Variants in LRRN1 observed in about 807,000 individuals in gnomAD.
The protein encoded by LRRN1 is leucine rich repeat neuronal 1.
LRRN1 carries 14 observed loss-of-function variants against 45.8 expected under a neutral mutation model. The observed-to-expected ratio is 0.31, with a 90% CI of 0.20 to 0.48. The LOEUF (loss-of-function observed/expected upper bound fraction) is 0.48, where lower values mean the gene tolerates loss of function less well. LRRN1 is among the 20% of genes least tolerant of loss of function. The probability of loss-of-function intolerance (pLI) is 0.99; values close to 1 mark genes in which losing one functional copy is unlikely to be tolerated. For synonymous variants in LRRN1, 359 were observed against 330.1 expected (o/e 1.09, Z -0.95); for missense variants, 789 against 874.2 (o/e 0.90, Z 1.23).
At chr3:3,836,256 G>T (rs931072750) in intron 1 of LRRN1, among the ~76,000 whole-genome samples, 3 of 152,178 alleles carry the variant, frequency 2.0e-5, no homozygotes, top group African/African-American at 7.2e-5. Context: ...GTACAGTTCA[G>T]TTGTGTTAAG....
chr3:3,806,358 A>G (rs1692758540), intron 1 of LRRN1, among the ~76,000 whole-genome samples: 1 of 152,220 alleles, frequency 6.6e-6, no homozygotes, highest in South Asian at 2.1e-4. Flanking sequence ...AGCTGCCAGC[A>G]GAGGCTTTAA....
At chr3:3,827,496 A>G (rs763570564) in intron 1 of LRRN1, 7 of 456,386 alleles carry the variant, frequency 1.5e-5, no homozygotes, top group Non-Finnish European at 2.2e-5. Context: ...GAGGCAATCT[A>G]TTTTTCTTAA....
intron 1 of LRRN1, among the ~76,000 whole-genome samples, chr3:3,820,535 A>G (rs572788385): frequency 4.6e-5 from 7 of 152,338 alleles, no homozygotes; most frequent in Non-Finnish European, 1.0e-4. Context: ...CTGATACTTG[A>G]AAAGAGGAGA....
chr3:3,816,275 A>G lies in LRRN1; in HGVS notation c.-279+16356A>G, dbSNP rs2106455768. The stretch of plus-strand genomic sequence containing the variant: ...TGGATTTATGGTTTCCAGGTCATCG[A>G]TGATCTGAGCACTTTGAGTATTGGA... On this transcript the variant is annotated intron_variant, in intron 1 of 1. Coordinates refer to ENST00000319331, the MANE Select transcript of LRRN1 (RefSeq NM_020873.7). The surrounding 1 kb of genome is among the most constrained non-coding windows in gnomAD (Gnocchi z 4.0). 6.6e-6 allele frequency among the ~76,000 whole-genome samples: 1 copy of G among 152,286 alleles called. No homozygotes were observed.
intron 1 of LRRN1, among the ~76,000 whole-genome samples, chr3:3,824,351 T>G (rs1281569007): frequency 6.6e-6 from 1 of 152,212 alleles, no homozygotes; most frequent in Non-Finnish European, 1.5e-5. Context: ...CTTCTTTCAC[T>G]TGAATTTCTA....
intron 1 of LRRN1, among the ~76,000 whole-genome samples, chr3:3,843,284 C>A (rs142667559): frequency 1.3e-5 from 2 of 152,158 alleles, no homozygotes; most frequent in African/African-American, 4.8e-5. Context: ...TTAATGAGAT[C>A]ATCTGTGTGA....
chr3:3,838,805 G>A (rs1693582562), intron 1 of LRRN1, among the ~76,000 whole-genome samples: 1 of 152,012 alleles, frequency 6.6e-6, no homozygotes, highest in South Asian at 2.1e-4. Flanking sequence ...ATATGCTTGT[G>A]GGTCATTTGT....
chr3:3,810,197 A>C (rs1365042542), intron 1 of LRRN1, among the ~76,000 whole-genome samples: 1 of 152,146 alleles, frequency 6.6e-6, no homozygotes, highest in East Asian at 1.9e-4. Context: ...ATGCCCCTAA[A>C]TGGTGATTCA....
chr3:3,813,419 C>T (rs187329895), intron 1 of LRRN1, among the ~76,000 whole-genome samples: 5 of 152,232 alleles, frequency 3.3e-5, no homozygotes, highest in Admixed American at 2.6e-4. Context: ...TAAATTTAGA[C>T]ACTATTACCA....
chr3:3,813,163 G>A (rs373771777), intron 1 of LRRN1, among the ~76,000 whole-genome samples: 5 of 152,338 alleles, frequency 3.3e-5, no homozygotes, highest in African/African-American at 1.2e-4. Context: ...ACATCTGGCT[G>A]CTGTTCGCAT....
At chr3:3,843,896 C>T (rs1173348832) in intron 1 of LRRN1, among the ~76,000 whole-genome samples, 2 of 152,102 alleles carry the variant, frequency 1.3e-5, no homozygotes, top group Admixed American at 6.5e-5. Flanking sequence ...AATAAACTAC[C>T]TTTCATGTTT....
At chr3:3,841,290 C>CAA (rs60477471) in intron 1 of LRRN1, among the ~76,000 whole-genome samples, 4,090 of 123,128 alleles carry the variant, frequency 0.033, 209 homozygotes, top group African/African-American at 0.093. Context: ...GACTTTGTCT[C>CAA]AAAAAAAAAA....
chr3:3,824,130 C>T (rs992071299), intron 1 of LRRN1, among the ~76,000 whole-genome samples: 2 of 152,200 alleles, frequency 1.3e-5, no homozygotes, highest in African/African-American at 2.4e-5. Flanking sequence ...CCATGACTTA[C>T]TAGCTCACTT....
At chr3:3,800,392 TGGC>T (rs1692621084) in intron 1 of LRRN1, among the ~76,000 whole-genome samples, 1 of 150,446 alleles carries the variant, frequency 6.6e-6, no homozygotes, top group Non-Finnish European at 1.5e-5. Context: ...GCAAGGAAGG[TGGC>T]GGGCGACGGG....
chr3:3,834,119 A>C (rs921420475), intron 1 of LRRN1, among the ~76,000 whole-genome samples: 1 of 152,106 alleles, frequency 6.6e-6, no homozygotes, highest in East Asian at 1.9e-4. Flanking sequence ...TGAAGCCAGG[A>C]GACAGAATCC....
In LRRN1 at chr3:3,849,054, T is replaced by C. The variant is rs549914739; in HGVS notation, c.*2262T>C. On this transcript the variant is annotated 3_prime_UTR_variant, in exon 2 of 2. Coordinates refer to ENST00000319331, the MANE Select transcript of LRRN1 (RefSeq NM_020873.7). ...TTGTCTTCAAACGTCTGCAGAGTAA[T>C]GGACCATGTTACAACTTTCCTGTTC... is the stretch of plus-strand genomic sequence containing the variant. Among the ~76,000 whole-genome samples the C allele has an allele frequency of 3.3e-5, 5 of 152,336 alleles. No homozygotes were observed. The highest frequency in any genetic ancestry group is 1.9e-4 in the East Asian group (1 of 5,190).
chr3:3,827,549 C>T, intron 1 of LRRN1: 1 of 455,558 alleles, frequency 2.2e-6, no homozygotes, highest in South Asian at 1.6e-5. Context: ...ACAAAAATCC[C>T]ATTTCCCCAT....
chr3:3,833,591 C>T (rs1693418679), intron 1 of LRRN1, among the ~76,000 whole-genome samples: 1 of 152,102 alleles, frequency 6.6e-6, no homozygotes, highest in Non-Finnish European at 1.5e-5. Context: ...ACCTCACCTC[C>T]AGGGGCCCAT....
Position 3,849,497 on chromosome 3 carries a change from T to C in LRRN1, c.*2705T>C, listed in dbSNP as rs957401507. On this transcript the variant is annotated 3_prime_UTR_variant, in exon 2 of 2. Coordinates refer to ENST00000319331, the MANE Select transcript of LRRN1 (RefSeq NM_020873.7). ...TTCATAAATTAGACAGCCAGTGAAA[T>C]TAGACCTCAAACTAGGTCCTGATGG... 3.9e-5 allele frequency among the ~76,000 whole-genome samples: 6 copies of C among 152,358 alleles called. No homozygotes were observed. The highest frequency in any genetic ancestry group is 4.1e-4 in the South Asian group (2 of 4,830).
Sources: allele counts gnomAD v4.1 joint callset (sites outside exome capture counted in the v4.1 genomes callset), GRCh38; gene constraint gnomAD v4.1.1; non-coding constraint Gnocchi (gnomAD v3.1); transcripts MANE v1.5; gene names NCBI Gene and HGNC (gene_info 2026-07-23, HGNC 2026-07-21).